The following XKR4 variants were observed in gnomAD, a reference collection of about 807,000 sequenced individuals.
XKR4 encodes the protein XK related 4.
A neutral mutation model predicts 53.9 loss-of-function variants in XKR4; 12 were observed. The observed-to-expected ratio is 0.22, with a 90% CI of 0.14 to 0.36. The LOEUF is 0.36. XKR4 is among the 10% of genes least tolerant of loss of function. XKR4 has a pLI of 1.00. For missense variants in XKR4, 799 were observed against 859.5 expected (o/e 0.93, Z 0.88); for synonymous variants, 354 against 362.4 (o/e 0.98, Z 0.26).
At chr8:55,409,859 G>A (rs1804749563) in intron 2 of XKR4, among the ~76,000 whole-genome samples, 1 of 152,182 alleles carries the variant, frequency 6.6e-6, no homozygotes, top group Admixed American at 6.5e-5. Context: ...TCTGATTGCT[G>A]AGAAAGTGGA....
At chr8:55,271,452 G>T (rs763193184) in intron 1 of XKR4, among the ~76,000 whole-genome samples, 1 of 152,130 alleles carries the variant, frequency 6.6e-6, no homozygotes, top group Non-Finnish European at 1.5e-5. Flanking sequence ...AAGAGAGAAG[G>T]CAGAGAAGGA....
rs370493686 is a variant in XKR4 at position 55,147,537 on chromosome 8, G to A, written c.806+44243G>A. On this transcript the variant is annotated intron_variant, in intron 1 of 2. Transcript: ENST00000327381. ...TTCAGATTCTAGTTCACATGCTTTTGAGGGGCCTCCTTGCCTCCTGGTGGG... is the reference window on the plus strand; with the variant it reads ...TTCAGATTCTAGTTCACATGCTTTTAAGGGGCCTCCTTGCCTCCTGGTGGG... 7.9e-5 allele frequency among the ~76,000 whole-genome samples: 12 copies of A among 152,290 alleles called. No individual in the cohort carries two copies. In the East Asian group the frequency reaches 1.7e-3, roughly 22 times the overall value.
At chr8:55,490,792 A>T (rs1806259477) in intron 2 of XKR4, among the ~76,000 whole-genome samples, 2 of 125,882 alleles carry the variant, frequency 1.6e-5, no homozygotes, top group African/African-American at 7.4e-5. Context: ...AGTACTTTGG[A>T]GTATGTATAG....
intron 1 of XKR4, among the ~76,000 whole-genome samples, chr8:55,201,090 G>T (rs1817572373): frequency 6.6e-6 from 1 of 151,954 alleles, no homozygotes; most frequent in Admixed American, 6.6e-5. Context: ...GATATGTATT[G>T]GCTCCAGCAC....
intron 2 of XKR4, among the ~76,000 whole-genome samples, chr8:55,465,362 C>T (rs1038750345): frequency 5.9e-5 from 9 of 151,988 alleles, no homozygotes; most frequent in African/African-American, 2.2e-4. Context: ...CTTTGAAAAA[C>T]CTGAGAAAAA....
chr8:55,391,912 T>G (rs1351727873), intron 2 of XKR4, among the ~76,000 whole-genome samples: 2 of 152,172 alleles, frequency 1.3e-5, no homozygotes, highest in Non-Finnish European at 2.9e-5. Flanking sequence ...ACTTTAATAG[T>G]CAATTTTGTA....
At chr8:55,511,694 T>G (rs1806628435) in intron 2 of XKR4, among the ~76,000 whole-genome samples, 1 of 152,224 alleles carries the variant, frequency 6.6e-6, no homozygotes, top group African/African-American at 2.4e-5. Flanking sequence ...TGCATAGGCC[T>G]TTAAGCCAAT....
chr8:55,103,598 T>C (rs1816090850), intron 1 of XKR4, among the ~76,000 whole-genome samples: 1 of 151,920 alleles, frequency 6.6e-6, no homozygotes, highest in Non-Finnish European at 1.5e-5. Flanking sequence ...CCCTCCCCGC[T>C]TCCCCATTTT....
chr8:55,214,120 C>A (rs2129364189), intron 1 of XKR4, among the ~76,000 whole-genome samples: 1 of 152,168 alleles, frequency 6.6e-6, no homozygotes, highest in South Asian at 2.1e-4. Context: ...TCTCAGCCTC[C>A]TAAAGTTGCC....
rs553942453 is a variant in XKR4 at position 55,344,579 on chromosome 8, C to T, written c.807-13099C>T. On this transcript the variant is annotated intron_variant, in intron 1 of 2. Coordinates refer to ENST00000327381, the MANE Select transcript of XKR4 (RefSeq NM_052898.2). Reference sequence around the variant, plus strand: ...ACTGCTCTATTTACTTCAAGCCACTCTTCTCCATTTGAATACACATTTTAC... The same window carrying T: ...ACTGCTCTATTTACTTCAAGCCACTTTTCTCCATTTGAATACACATTTTAC... 2.2e-3 allele frequency among the ~76,000 whole-genome samples: 339 copies of T among 152,236 alleles called. 2 individuals are homozygous for T. Among genetic ancestry groups the T allele is most frequent in the African/African-American group, 7.7e-3 (321 of 41,544 alleles).
At chr8:55,160,371 G>A (rs1439204766) in intron 1 of XKR4, among the ~76,000 whole-genome samples, 1 of 152,196 alleles carries the variant, frequency 6.6e-6, no homozygotes, top group Non-Finnish European at 1.5e-5. Flanking sequence ...ACAGTGAGGA[G>A]GGAGTAGGAT....
At chr8:55,182,612 G>A (rs1240099308) in intron 1 of XKR4, among the ~76,000 whole-genome samples, 1 of 152,082 alleles carries the variant, frequency 6.6e-6, no homozygotes, top group East Asian at 1.9e-4. Context: ...CTATATTTGT[G>A]CACATCTATT....
At chr8:55,369,996 G>C (rs915396299) in intron 2 of XKR4, among the ~76,000 whole-genome samples, 7 of 152,114 alleles carry the variant, frequency 4.6e-5, no homozygotes, top group African/African-American at 1.7e-4. Context: ...AGAGTTCAAG[G>C]CTACAGTGAG....
rs367702330 is a variant in XKR4 at position 55,144,596 on chromosome 8, T to G, written c.806+41302T>G. Among the ~76,000 whole-genome samples, 29 of 152,162 alleles carry G rather than the reference T, an allele frequency of 1.9e-4. 1 individual carries two copies. The East Asian group carries it at 4.1e-3, about 21-fold the overall frequency. Reference sequence around the variant, plus strand: ...CTGTGAAATTTCCTGATATTTAAATTTTGGCATCTAATCCAATTTTTTTTG... The same window carrying G: ...CTGTGAAATTTCCTGATATTTAAATGTTGGCATCTAATCCAATTTTTTTTG... On this transcript the variant is annotated intron_variant, in intron 1 of 2. Transcript: ENST00000327381.
intron 2 of XKR4, among the ~76,000 whole-genome samples, chr8:55,426,649 T>C (rs892642602): frequency 1.3e-5 from 2 of 152,062 alleles, no homozygotes; most frequent in African/African-American, 4.8e-5. Flanking sequence ...AGCAAGCAAA[T>C]GATGACACCA....
intron 1 of XKR4, among the ~76,000 whole-genome samples, chr8:55,321,778 C>A (rs1162383694): frequency 1.3e-5 from 2 of 152,148 alleles, no homozygotes; most frequent in Non-Finnish European, 2.9e-5. Context: ...ATCATGAGGT[C>A]AAGAGATCAA....
In XKR4 at chr8:55,103,188, A is replaced by C. The variant is rs1816081890; in HGVS notation, c.700A>C (p.Ser234Arg). 1.9e-6 allele frequency: 3 copies of C among 1,614,062 alleles called. No homozygotes were observed. The Admixed American group carries it at 5.0e-5, about 27-fold the overall frequency. ...IAAANSGSNS[S>R]GATRASGKHR... ...CGCGGCCAACAGCGGCAGCAACAGC[A>C]GCGGGGCTACCCGGGCCAGTGGCAA... The change falls in exon 1 of 3, where the codon AGC becomes CGC. Residue 234 changes from serine to arginine, a missense_variant. Around this residue, in one of 3 missense-constraint regions of XKR4, gnomAD observed 476 missense variants for 505.4 expected, o/e 0.94. Coordinates refer to ENST00000327381, the MANE Select transcript of XKR4 (RefSeq NM_052898.2).
intron 2 of XKR4, among the ~76,000 whole-genome samples, chr8:55,475,158 T>C (rs1161267986): frequency 6.6e-6 from 1 of 151,892 alleles, no homozygotes; most frequent in East Asian, 1.9e-4. Context: ...GCTGATAAAA[T>C]GGAGAGTAAA....
intron 2 of XKR4, among the ~76,000 whole-genome samples, chr8:55,468,466 T>C (rs1399506493): frequency 1.3e-5 from 2 of 152,118 alleles, no homozygotes; most frequent in Admixed American, 6.6e-5. Flanking sequence ...ATTTTTTTTC[T>C]TAATATGGGA....
Sources: allele counts gnomAD v4.1 joint callset (sites outside exome capture counted in the v4.1 genomes callset), GRCh38; gene constraint gnomAD v4.1.1; regional missense constraint gnomAD v4.1.1; transcripts MANE v1.5; gene names NCBI Gene and HGNC (gene_info 2026-07-23, HGNC 2026-07-21).